Variants in DRC4 observed in about 807,000 individuals in gnomAD.
The protein encoded by DRC4 is GAS-11.
the DRC4 span, chr16:90,037,163 A>C: frequency 2.0e-6 from 3 of 1,478,526 alleles, no homozygotes; most frequent in Non-Finnish European, 1.8e-6. Flanking sequence ...CCCAGCTCTC[A>C]CCATGCAGGC....
At chr16:90,042,474 T>C in the DRC4 span, 2 of 1,613,764 alleles carry the variant, frequency 1.2e-6, no homozygotes, top group Non-Finnish European at 1.7e-6. Flanking sequence ...CCTCAGGATG[T>C]TCTTGAGTCG....
At chr16:90,028,262 G>T in the DRC4 span, among the ~76,000 whole-genome samples, 2 of 135,030 alleles carry the variant, frequency 1.5e-5, no homozygotes, top group African/African-American at 5.6e-5. Context: ...TCGGCTCACT[G>T]TGAGCTCCAC....
At chr16:90,027,847 C>A in the DRC4 span, 17 of 827,380 alleles carry the variant, frequency 2.1e-5, no homozygotes, top group Admixed American at 4.1e-4. Flanking sequence ...AACACGCCCC[C>A]CGCGTGGCCC....
chr16:90,039,358 G>GTTATTTATTTAT, the DRC4 span, among the ~76,000 whole-genome samples: 2 of 146,390 alleles, frequency 1.4e-5, no homozygotes, highest in African/African-American at 2.5e-5. Flanking sequence ...GACCAAGGCA[G>GTTATTTATTTAT]TTATTTATTT....
the DRC4 span, chr16:90,029,202 G>A: frequency 2.9e-6 from 4 of 1,359,884 alleles, no homozygotes; most frequent in African/African-American, 3.1e-5. Flanking sequence ...GGCAGCCTAC[G>A]GGGCAGGCTA....
At chr16:90,033,054 A>T in the DRC4 span, 2 of 954,628 alleles carry the variant, frequency 2.1e-6, no homozygotes, top group Admixed American at 5.5e-5. Context: ...GCATTTTTGC[A>T]ATTTGTTGAA....
the DRC4 span, among the ~76,000 whole-genome samples, chr16:90,027,250 T>A: frequency 6.6e-6 from 1 of 151,990 alleles, no homozygotes; most frequent in Non-Finnish European, 1.5e-5. Context: ...CACGCCCGGC[T>A]AATTTTTTTT....
chr16:90,020,272 T>TC, the DRC4 span: 1 of 406,562 alleles, frequency 2.5e-6, no homozygotes, highest in Non-Finnish European at 4.3e-6. Flanking sequence ...AGCTCAGGAG[T>TC]CCAAGGCTGC....
the DRC4 span, chr16:90,040,581 T>A: frequency 7.4e-7 from 1 of 1,342,436 alleles, no homozygotes; most frequent in South Asian, 1.3e-5. Context: ...AGTTCTGTGC[T>A]GCTCCTCGGA....
At chr16:90,037,316 G>C in the DRC4 span, 689 of 1,614,028 alleles carry the variant, frequency 4.3e-4, 2 homozygotes, top group Admixed American at 2.9e-3. Flanking sequence ...GCGCCTGGCA[G>C]ACCCTCTCCA....
At chr16:90,035,199 G>A in the DRC4 span, among the ~76,000 whole-genome samples, 2 of 152,056 alleles carry the variant, frequency 1.3e-5, no homozygotes, top group Admixed American at 6.6e-5. Flanking sequence ...CACTGTGCCC[G>A]GCAATCTTTA....
At chr16:90,034,467 C>CA in the DRC4 span, among the ~76,000 whole-genome samples, 1 of 151,970 alleles carries the variant, frequency 6.6e-6, no homozygotes, top group East Asian at 1.9e-4. Flanking sequence ...ACTAAAAATA[C>CA]AAAAATTAGC....
chr16:90,039,684 G>A, the DRC4 span: 1 of 160,920 alleles, frequency 6.2e-6, no homozygotes, highest in South Asian at 1.7e-4. Context: ...ACCACACGCT[G>A]CTCAGGGTGT....
At chr16:90,031,332 C>A in the DRC4 span, 3 of 1,613,260 alleles carry the variant, frequency 1.9e-6, no homozygotes, top group Admixed American at 1.7e-5. Flanking sequence ...CCGGGAGGAG[C>A]TGGACCGCGA....
chr16:90,022,602 A>C, the DRC4 span: 1 of 1,143,598 alleles, frequency 8.7e-7, no homozygotes, highest in South Asian at 2.0e-5. Context: ...TGCCCGGCGG[A>C]GTCTCGCGAG....
chr16:90,043,212 T>G, the DRC4 span: 2 of 1,613,108 alleles, frequency 1.2e-6, no homozygotes, highest in Non-Finnish European at 1.7e-6. Flanking sequence ...AACGACCTGC[T>G]GCGCACGTAT....
At chr16:90,029,726 A>G in the DRC4 span, 28 of 195,872 alleles carry the variant, frequency 1.4e-4, no homozygotes, top group East Asian at 5.4e-4. Flanking sequence ...TGAGAAAGAA[A>G]AAGGCTCACA....
the DRC4 span, chr16:90,042,258 G>A: frequency 1.6e-6 from 1 of 611,752 alleles, no homozygotes; most frequent in Non-Finnish European, 3.1e-6. Context: ...GGAGAGGCAG[G>A]TTGTGCAAGC....
At chr16:90,035,370 G>A in the DRC4 span, among the ~76,000 whole-genome samples, 1 of 152,174 alleles carries the variant, frequency 6.6e-6, no homozygotes, top group Non-Finnish European at 1.5e-5. Flanking sequence ...AGCTACACAC[G>A]GCACCTGGAA....
Sources: allele counts gnomAD v4.1 joint callset (sites outside exome capture counted in the v4.1 genomes callset), GRCh38; gene constraint gnomAD v4.1.1; transcripts MANE v1.5; gene names NCBI Gene and HGNC (gene_info 2026-07-23, HGNC 2026-07-21).